The following NLK variants were observed in gnomAD, a reference collection of about 807,000 sequenced individuals.
The protein encoded by NLK is serine/threonine-protein kinase NLK.
A neutral mutation model predicts 59.0 loss-of-function variants in NLK; 11 were observed. The observed-to-expected ratio is 0.19, with a 90% confidence interval of 0.12 to 0.31. NLK has a LOEUF of 0.31. Ranked by LOEUF, NLK falls within the 10% of genes least tolerant of loss-of-function variation. The probability of loss-of-function intolerance (pLI) is 1.00; values close to 1 mark genes in which losing one functional copy is unlikely to be tolerated. For synonymous variants in NLK, 235 were observed against 235.9 expected (o/e 1.00, Z 0.03); for missense variants, 410 against 661.1 (o/e 0.62, Z 4.16).
intron 1 of NLK, among the ~76,000 whole-genome samples, chr17:28,084,023 G>A (rs1910432030): frequency 6.6e-6 from 1 of 152,140 alleles, no homozygotes; most frequent in Non-Finnish European, 1.5e-5. Flanking sequence ...ACAGCTGTGA[G>A]GGCTGTGTGG....
At chr17:28,114,823 G>A (rs1905691087) in intron 1 of NLK, among the ~76,000 whole-genome samples, 1 of 152,042 alleles carries the variant, frequency 6.6e-6, no homozygotes, top group Non-Finnish European at 1.5e-5. Flanking sequence ...TATCTGGCAG[G>A]GTTTGATCAG....
intron 1 of NLK, among the ~76,000 whole-genome samples, chr17:28,086,575 A>G: frequency 6.6e-6 from 1 of 152,236 alleles, no homozygotes; most frequent in South Asian, 2.1e-4. Flanking sequence ...AACCTACATA[A>G]CTGAATTTTT....
chr17:28,178,585 G>T (rs1254794280), intron 7 of NLK, among the ~76,000 whole-genome samples: 4 of 152,096 alleles, frequency 2.6e-5, no homozygotes, highest in Non-Finnish European at 4.4e-5. Context: ...TTATAATTAG[G>T]TTTAGGTCTT....
At chr17:28,082,922 A>G (rs894497409) in intron 1 of NLK, among the ~76,000 whole-genome samples, 3 of 152,236 alleles carry the variant, frequency 2.0e-5, no homozygotes, top group Admixed American at 6.5e-5. Flanking sequence ...TATGTAGTCT[A>G]ATGCCAAGGT....
intron 1 of NLK, among the ~76,000 whole-genome samples, chr17:28,098,519 G>A (rs1399638836): frequency 6.6e-6 from 1 of 152,038 alleles, no homozygotes; most frequent in Non-Finnish European, 1.5e-5. Context: ...CTGACATTGA[G>A]TACGTCTTTA....
At chr17:28,180,109 G>T (rs1189787283) in intron 7 of NLK, among the ~76,000 whole-genome samples, 1 of 152,042 alleles carries the variant, frequency 6.6e-6, no homozygotes, top group Non-Finnish European at 1.5e-5. Flanking sequence ...AGAACCATTG[G>T]CATGAATAAA....
At chr17:28,065,124 A>G (rs1167764468) in intron 1 of NLK, among the ~76,000 whole-genome samples, 1 of 152,194 alleles carries the variant, frequency 6.6e-6, no homozygotes, top group Non-Finnish European at 1.5e-5. Flanking sequence ...AGATATATAA[A>G]TACAGATAAG....
chr17:28,085,767 G>A (rs1418843238), intron 1 of NLK, among the ~76,000 whole-genome samples: 2 of 151,970 alleles, frequency 1.3e-5, no homozygotes, highest in East Asian at 3.9e-4. Flanking sequence ...AAGTAGAGCT[G>A]AAAGATTCCT....
At chr17:28,166,141 A>G (rs1908224153) in intron 5 of NLK, among the ~76,000 whole-genome samples, 1 of 152,160 alleles carries the variant, frequency 6.6e-6, no homozygotes, top group Non-Finnish European at 1.5e-5. Flanking sequence ...CTTGAACCTG[A>G]GAGGCAGACG....
At chr17:28,081,352 T>C (rs2142766416) in intron 1 of NLK, among the ~76,000 whole-genome samples, 1 of 151,558 alleles carries the variant, frequency 6.6e-6, no homozygotes, top group South Asian at 2.1e-4. Flanking sequence ...GCCCAGCTAA[T>C]TTAAAAAAAA....
At position 28,124,080 on chromosome 17, in the gene NLK, A is replaced by G. The variant is rs975194493; in HGVS notation, c.588+1348A>G. 2.0e-5 allele frequency among the ~76,000 whole-genome samples: 3 copies of G among 152,354 alleles called. No homozygotes were observed. The South Asian group carries it at 6.2e-4, about 32-fold the overall frequency. Reference sequence around the variant, plus strand: ...TAAAACTGGGAGTACTAAACTTACCATATGGTTCACTCGAAGCTCCTTGGT... The same window carrying G: ...TAAAACTGGGAGTACTAAACTTACCGTATGGTTCACTCGAAGCTCCTTGGT... On this transcript the variant is annotated intron_variant, in intron 2 of 10. Transcript: ENST00000407008.
At chr17:28,057,248 C>T (rs1390060471) in intron 1 of NLK, among the ~76,000 whole-genome samples, 1 of 152,182 alleles carries the variant, frequency 6.6e-6, no homozygotes, top group Non-Finnish European at 1.5e-5. Flanking sequence ...AGCCACCACG[C>T]CCAACTGCAT....
chr17:28,194,470 C>A, intron 10 of NLK, 112 bp from the exon 11 acceptor site: 2 of 702,430 alleles, frequency 2.8e-6, no homozygotes, highest in Admixed American at 2.8e-5. Context: ...AAATAAAAAT[C>A]CAGAAGTGGA....
Position 28,042,867 on chromosome 17 carries a change from A to T in NLK, c.-7A>T. 6.7e-7 allele frequency: 1 copy of T among 1,484,972 alleles called. No homozygotes were observed. Among genetic ancestry groups the T allele is most frequent in the Non-Finnish European group, 9.0e-7 (1 of 1,109,684 alleles). 92.0% of individuals were successfully genotyped at this position (1,484,972 alleles called of 1,614,324 possible). On this transcript the variant is annotated 5_prime_UTR_variant, in exon 1 of 11. Coordinates refer to ENST00000407008, the MANE Select transcript of NLK (RefSeq NM_016231.5). ...TTTGCTTTCCAATCAAAGGGCATTT[A>T]TTTTGAATGTCTCTTTGTGGCGCAA...
At chr17:28,170,610 G>A (rs1457831958) in intron 6 of NLK, among the ~76,000 whole-genome samples, 1 of 152,164 alleles carries the variant, frequency 6.6e-6, no homozygotes, top group Non-Finnish European at 1.5e-5. Context: ...TCTTCAGAAA[G>A]TAAAGTTTAA....
chr17:28,200,301 A>G (rs539982484), downstream of NLK, among the ~76,000 whole-genome samples: 9 of 152,080 alleles, frequency 5.9e-5, no homozygotes, highest in South Asian at 2.1e-4. Context: ...TTTCTTTTAG[A>G]TATATGATCC....
chr17:28,093,151 AAG>A (rs1461303701), intron 1 of NLK, among the ~76,000 whole-genome samples: 2 of 152,090 alleles, frequency 1.3e-5, no homozygotes, highest in Non-Finnish European at 2.9e-5. Context: ...TTCTGAGACT[AAG>A]AGTAACTTCA....
chr17:28,097,103 T>A (rs2142785273), intron 1 of NLK, among the ~76,000 whole-genome samples: 1 of 152,304 alleles, frequency 6.6e-6, no homozygotes, highest in Middle Eastern at 3.4e-3. Flanking sequence ...AGCCATTTGC[T>A]TATATTTCAG....
chr17:28,047,855 G>A (rs1003779347), intron 1 of NLK: 8 of 397,130 alleles, frequency 2.0e-5, no homozygotes, highest in Non-Finnish European at 3.1e-5. Context: ...AAATCCTGGA[G>A]TAAGTTGCAT....
Sources: allele counts gnomAD v4.1 joint callset (sites outside exome capture counted in the v4.1 genomes callset), GRCh38; gene constraint gnomAD v4.1.1; transcripts MANE v1.5; gene names NCBI Gene and HGNC (gene_info 2026-07-23, HGNC 2026-07-21).